Variants in IL4R observed in about 807,000 individuals in gnomAD.
IL4R encodes the protein interleukin-4 receptor subunit alpha.
IL4R carries 17 observed loss-of-function variants against 41.5 expected under a neutral mutation model. The observed-to-expected ratio is 0.41, with a 90% CI of 0.28 to 0.61. IL4R has a LOEUF of 0.61. Among genes scored for constraint, IL4R ranks in the 20% least tolerant of loss-of-function variants. The probability of loss-of-function intolerance (pLI) is 0.31; values close to 1 mark genes in which losing one functional copy is unlikely to be tolerated. For missense variants in IL4R, 974 were observed against 1,043.1 expected, an observed-to-expected ratio of 0.93 and a Z score of 0.91; for synonymous variants, 402 against 422.9, an observed-to-expected ratio of 0.95 and a Z score of 0.61.
intron 6 of IL4R, among the ~76,000 whole-genome samples, chr16:27,347,804 G>T (rs1044514716): frequency 4.6e-5 from 7 of 152,244 alleles, no homozygotes; most frequent in African/African-American, 1.7e-4. Context: ...ACCTCTTTGT[G>T]CCTCAGTTTC....
At chr16:27,358,350 A>G (rs1301885977) in intron 8 of IL4R, among the ~76,000 whole-genome samples, 3 of 152,262 alleles carry the variant, frequency 2.0e-5, no homozygotes, top group Non-Finnish European at 4.4e-5. Flanking sequence ...GTGTTTATTT[A>G]TTGAAACCAT....
chr16:27,315,326 G>A (rs2084610654), intron 1 of IL4R: 1 of 152,356 alleles, frequency 6.6e-6, no homozygotes, highest in Admixed American at 6.5e-5. Context: ...CCATGAATGG[G>A]AGGTGACCTG....
intron 1 of IL4R, among the ~76,000 whole-genome samples, chr16:27,315,880 GTCAC>G (rs1350362591): frequency 1.3e-5 from 2 of 152,180 alleles, no homozygotes; most frequent in Admixed American, 1.3e-4. Context: ...AAAACCTGCA[GTCAC>G]TCACCCCATT....
intron 1 of IL4R, among the ~76,000 whole-genome samples, chr16:27,328,591 A>G (rs1430470492): frequency 6.6e-6 from 1 of 152,198 alleles, no homozygotes; most frequent in Non-Finnish European, 1.5e-5. Context: ...TTTATTGTAC[A>G]CATGCTATGC....
At position 27,363,414 on chromosome 16, in the gene IL4R, G is replaced by C; in HGVS notation, c.2062G>C (p.Asp688His). 6.2e-7 allele frequency: 1 copy of C among 1,614,132 alleles called. No homozygotes were observed. Among genetic ancestry groups the C allele is most frequent in the South Asian group, 1.1e-5 (1 of 91,080 alleles). Reference sequence around the variant, plus strand: ...TCTGGAGCCGGGGGAAAAGGTAGAGGACATGCCAAAGCCCCCACTTCCCCA... The same window carrying C: ...TCTGGAGCCGGGGGAAAAGGTAGAGCACATGCCAAAGCCCCCACTTCCCCA... ...LGLEPGEKVEDMPKPPLPQEQ... is the reference protein window; with the variant it reads ...LGLEPGEKVEHMPKPPLPQEQ... Residue 688 changes from aspartate (D) to histidine (H), a missense_variant, in exon 11 of 11, where the codon GAC (aspartate) becomes CAC (histidine). Asp to His is a moderately conservative substitution (Grantham distance 81, BLOSUM62 -1). Coordinates refer to ENST00000395762, the MANE Select transcript of IL4R (RefSeq NM_000418.4).
intron 1 of IL4R, among the ~76,000 whole-genome samples, chr16:27,321,205 A>G (rs1188347410): frequency 6.6e-6 from 1 of 152,034 alleles, no homozygotes; most frequent in Non-Finnish European, 1.5e-5. Context: ...CAGCCTCCCA[A>G]AGTGCTGGTA....
chr16:27,332,267 A>G (rs2085131956), intron 2 of IL4R, among the ~76,000 whole-genome samples: 1 of 152,164 alleles, frequency 6.6e-6, no homozygotes. Flanking sequence ...GGCTTCAGGA[A>G]ACATATTATC....
chr16:27,319,203 C>T (rs2084738051), intron 1 of IL4R, among the ~76,000 whole-genome samples: 1 of 152,154 alleles, frequency 6.6e-6, no homozygotes, highest in African/African-American at 2.4e-5. Context: ...TTGGATGGAA[C>T]CAAACAAGAA....
At position 27,340,104 on chromosome 16, in the gene IL4R, G is replaced by A. The variant is rs2085392697; in HGVS notation, c.-18-82G>A. The A allele has an allele frequency of 3.6e-6, 3 of 837,254 alleles. No homozygotes were observed. The Admixed American group carries it at 6.5e-5, about 18-fold the overall frequency. 51.9% of individuals were successfully genotyped at this position (837,254 alleles called of 1,614,324 possible). On this transcript the variant is annotated intron_variant, in intron 2 of 10. Transcript: ENST00000395762. ...ACAAACAAACAAATAAATGGCCAGG[G>A]CAGGGGAGGGTTGCATATTGAATAA...
At chr16:27,359,162 C>T (rs1017653107) in intron 9 of IL4R, among the ~76,000 whole-genome samples, 168 bp downstream of exon 9, 4 of 152,176 alleles carry the variant, frequency 2.6e-5, no homozygotes, top group Non-Finnish European at 5.9e-5. Flanking sequence ...ATTAGCAGAC[C>T]AGAGGCTTTC....
At chr16:27,336,522 C>T (rs1230167135) in intron 2 of IL4R, among the ~76,000 whole-genome samples, 2 of 151,622 alleles carry the variant, frequency 1.3e-5, no homozygotes, top group Non-Finnish European at 2.9e-5. Context: ...ATCAAAAATA[C>T]AAACACTTAG....
chr16:27,320,155 C>G (rs1198098449), intron 1 of IL4R, among the ~76,000 whole-genome samples: 1 of 152,214 alleles, frequency 6.6e-6, no homozygotes, highest in Non-Finnish European at 1.5e-5. Context: ...GCATGAGCCA[C>G]TGCACGCGGC....
At chr16:27,351,126 C>T (rs1403345529) in intron 6 of IL4R, among the ~76,000 whole-genome samples, 1 of 152,074 alleles carries the variant, frequency 6.6e-6, no homozygotes, top group African/African-American at 2.4e-5. Flanking sequence ...ATCTGAGGCT[C>T]AATTGGGGAA....
chr16:27,347,225 C>G (rs2085680939), intron 6 of IL4R, among the ~76,000 whole-genome samples: 2 of 152,232 alleles, frequency 1.3e-5, no homozygotes, highest in Non-Finnish European at 2.9e-5. Flanking sequence ...GAGTCTCACT[C>G]TGTCACCCAG....
chr16:27,361,756 C>G (rs894143835), intron 10 of IL4R, among the ~76,000 whole-genome samples: 7 of 151,794 alleles, frequency 4.6e-5, no homozygotes, highest in African/African-American at 9.7e-5. Context: ...AGTCATACAC[C>G]AACATGCCCA....
intron 6 of IL4R, among the ~76,000 whole-genome samples, chr16:27,352,264 T>G (rs1216395860): frequency 1.3e-5 from 2 of 152,170 alleles, no homozygotes; most frequent in African/African-American, 4.8e-5. Flanking sequence ...TACCCTTGTT[T>G]TACAGATGAG....
At chr16:27,316,356 C>T (rs1350763114) in intron 1 of IL4R, among the ~76,000 whole-genome samples, 2 of 152,058 alleles carry the variant, frequency 1.3e-5, no homozygotes, top group Non-Finnish European at 2.9e-5. Flanking sequence ...GGTGACAGAG[C>T]GAGACTCTGT....
rs3024689 is a variant in IL4R at position 27,353,117 on chromosome 16, T to C, written c.670+421T>C. Among the ~76,000 whole-genome samples, 3 of 152,242 alleles carry C rather than the reference T, an allele frequency of 2.0e-5. No homozygotes were observed. The South Asian group carries it at 6.2e-4, about 31-fold the overall frequency. The stretch of plus-strand genomic sequence containing the variant: ...CTATGGACCTCATTTCAGAATATTT[T>C]TAAATACATAAAATCCCAGCCTGGG... On this transcript the variant is annotated intron_variant, in intron 7 of 10. Coordinates refer to ENST00000395762, the MANE Select transcript of IL4R (RefSeq NM_000418.4).
At chr16:27,354,958 G>A (rs1163100163) in intron 7 of IL4R, 3 of 443,800 alleles carry the variant, frequency 6.8e-6, no homozygotes, top group Non-Finnish European at 1.5e-5. Flanking sequence ...ATTGGCATGG[G>A]GAAGGGAACT....
Sources: allele counts gnomAD v4.1 joint callset (sites outside exome capture counted in the v4.1 genomes callset), GRCh38; gene constraint gnomAD v4.1.1; transcripts MANE v1.5; gene names NCBI Gene and HGNC (gene_info 2026-07-23, HGNC 2026-07-21).